STK3: variants seen among roughly 807,000 people sequenced by gnomAD.
STK3 encodes serine/threonine-protein kinase 3.
A neutral mutation model predicts 58.0 loss-of-function variants in STK3; 41 were observed. The ratio of observed to expected loss-of-function variants is 0.71; its 90% CI spans 0.55 to 0.92. The LOEUF is 0.92. Among genes scored for constraint, STK3 ranks in the 40% least tolerant of loss-of-function variants. The pLI is 0.00. For missense variants in STK3, 479 were observed against 602.7 expected (o/e 0.79, Z 2.15); for synonymous variants, 170 against 191.0 (o/e 0.89, Z 0.91).
intron 3 of STK3, among the ~76,000 whole-genome samples, chr8:98,753,020 A>T (rs1167902736): frequency 6.6e-6 from 1 of 152,194 alleles, no homozygotes; most frequent in Admixed American, 6.5e-5. Flanking sequence ...GGGAGTGTAA[A>T]TTAGTTCAAC....
At chr8:98,351,637 T>C in the STK3 span, among the ~76,000 whole-genome samples, 2 of 152,150 alleles carry the variant, frequency 1.3e-5, no homozygotes, top group Non-Finnish European at 2.9e-5. Flanking sequence ...AGAGGGACTA[T>C]ATACATGTAT....
intron 9 of STK3, among the ~76,000 whole-genome samples, chr8:98,533,839 A>C (rs1252520287): frequency 6.6e-6 from 1 of 152,134 alleles, no homozygotes; most frequent in Non-Finnish European, 1.5e-5. Context: ...ATTAAACCGT[A>C]AGTTCCCTAA....
chr8:98,361,640 G>T, the STK3 span, among the ~76,000 whole-genome samples: 1 of 152,150 alleles, frequency 6.6e-6, no homozygotes, highest in Non-Finnish European at 1.5e-5. Context: ...GAAGTCATGA[G>T]TTCAAAATGC....
chr8:98,537,691 A>G (rs1226675234), intron 9 of STK3, among the ~76,000 whole-genome samples: 2 of 152,206 alleles, frequency 1.3e-5, no homozygotes, highest in African/African-American at 4.8e-5. Flanking sequence ...TATTTTAACA[A>G]TAATTTTAAC....
chr8:98,764,113 A>G (rs1830798212), intron 3 of STK3, among the ~76,000 whole-genome samples: 1 of 152,238 alleles, frequency 6.6e-6, no homozygotes, highest in African/African-American at 2.4e-5. Context: ...TTTTTCATCA[A>G]TATTTGCCTC....
At chr8:98,446,968 T>G (rs1214990599) in intron 1 of STK3, among the ~76,000 whole-genome samples, 1 of 152,164 alleles carries the variant, frequency 6.6e-6, no homozygotes, top group African/African-American at 2.4e-5. Flanking sequence ...GCCATTATCG[T>G]TAGCAAACAA....
the STK3 span, among the ~76,000 whole-genome samples, chr8:98,359,724 C>T: frequency 6.6e-6 from 1 of 152,140 alleles, no homozygotes; most frequent in African/African-American, 2.4e-5. Flanking sequence ...TGCTTAGAAT[C>T]TTTCAGTGGC....
intron 3 of STK3, chr8:98,432,092 T>A (rs1444463144): frequency 6.0e-6 from 1 of 167,000 alleles, no homozygotes; most frequent in Non-Finnish European, 1.5e-5. Context: ...AGTTTACAGG[T>A]GCTCTCCACT....
rs988623282 is a variant in STK3, at chr8:98,466,266, T to C, written c.1318-10266A>G. 2.6e-5 allele frequency among the ~76,000 whole-genome samples: 4 copies of C among 152,220 alleles called. No homozygotes were observed. The East Asian group carries it at 5.8e-4, about 22-fold the overall frequency. ...TACAAAAACAACAGTGGTTAAAGTA[T>C]ATCTGTAACTAGCTTACTGGGTAGT... On this transcript the variant is annotated intron_variant, in intron 10 of 10. Transcript: ENST00000419617.
At position 98,386,980 on chromosome 8, in the gene STK3, A is replaced by T. The variant is rs142546753; in HGVS notation, n.56+1212T>A. Among the ~76,000 whole-genome samples the T allele has an allele frequency of 8.4e-3, 1,284 of 152,332 alleles. 16 individuals are homozygous for T. The highest frequency in any genetic ancestry group is 0.029 in the African/African-American group (1,200 of 41,580). On this transcript the variant is annotated intron_variant and non_coding_transcript_variant, in intron 1 of 2. Coordinates refer to the STK3 transcript ENST00000518704. ...CTCAAAAACGAACAAACAAACAAAA[A>T]ATATGTAAATGCTTTACATAATTAT...
intron 8 of STK3, among the ~76,000 whole-genome samples, chr8:98,567,398 A>G (rs1812576886): frequency 6.6e-6 from 1 of 152,106 alleles, no homozygotes; most frequent in Admixed American, 6.6e-5. Context: ...GGGTTTTGCC[A>G]TGTTGCTCAG....
chr8:98,503,652 G>A lies in STK3; in HGVS notation c.1317+23090C>T, dbSNP rs577500929. Among the ~76,000 whole-genome samples the A allele has an allele frequency of 2.3e-3, 345 of 152,160 alleles. 1 individual carries two copies. The highest frequency in any genetic ancestry group is 8.0e-3 in the African/African-American group (331 of 41,518). ...ACATCTTTATTTCTGCCTTCATTTC[G>A]TTATGTACCCAGTACTCATTCAGGA... On this transcript the variant is annotated intron_variant, in intron 10 of 10. Transcript: ENST00000419617.
intron 10 of STK3, among the ~76,000 whole-genome samples, chr8:98,478,145 A>G (rs1821525852): frequency 6.6e-6 from 1 of 152,204 alleles, no homozygotes. Flanking sequence ...TTTGAGAGTG[A>G]GCACAAGGAC....
intron 1 of STK3, among the ~76,000 whole-genome samples, chr8:98,823,437 T>C (rs1276888002): frequency 6.6e-6 from 1 of 151,040 alleles, no homozygotes; most frequent in Non-Finnish European, 1.5e-5. Context: ...AGAAAGAGAG[T>C]TTCAAAAAGA....
At chr8:98,585,037 C>T (rs1419340654) in intron 7 of STK3, among the ~76,000 whole-genome samples, 26 of 148,630 alleles carry the variant, frequency 1.7e-4, no homozygotes, top group East Asian at 6.0e-4. Context: ...TTCTCCCATT[C>T]TGTAGGTTGC....
intron 2 of STK3, among the ~76,000 whole-genome samples, chr8:98,374,324 G>A (rs1817645523): frequency 1.3e-5 from 2 of 152,208 alleles, no homozygotes; most frequent in South Asian, 4.1e-4. Context: ...GTCTGTCTAA[G>A]CCAACAGTCC....
At chr8:98,826,051 G>A (rs1276328917), upstream of STK3, among the ~76,000 whole-genome samples, 1 of 152,024 alleles carries the variant, frequency 6.6e-6, no homozygotes, top group African/African-American at 2.4e-5. Flanking sequence ...ACCGGGAAAA[G>A]GAGAAGGTTC....
At chr8:98,903,556 C>CTTCCT (rs200556218) in intron 1 of STK3, among the ~76,000 whole-genome samples, 63 of 50,510 alleles carry the variant, frequency 1.2e-3, no homozygotes, top group Middle Eastern at 0.01. Context: ...TCTTCTTCTT[C>CTTCCT]CTTTTTTTTT....
intron 6 of STK3, among the ~76,000 whole-genome samples, chr8:98,691,141 G>A (rs1050710774): frequency 5.3e-5 from 8 of 152,128 alleles, no homozygotes; most frequent in African/African-American, 1.9e-4. Flanking sequence ...AGGATCAGCA[G>A]AAGCCCAAAC....
Sources: allele counts gnomAD v4.1 joint callset (sites outside exome capture counted in the v4.1 genomes callset), GRCh38; gene constraint gnomAD v4.1.1; transcripts MANE v1.5; gene names NCBI Gene and HGNC (gene_info 2026-07-23, HGNC 2026-07-21).